The following SLC35H1 variants were observed in gnomAD, a reference collection of about 807,000 sequenced individuals.
The protein encoded by SLC35H1 is solute carrier family 35 member H1, also known as ovarian cancer-overexpressed gene 1 protein.
chr20:46,354,826 C>A, the SLC35H1 span: 2 of 1,455,038 alleles, frequency 1.4e-6, no homozygotes, highest in Non-Finnish European at 1.9e-6. Flanking sequence ...GGGCTCAGGG[C>A]GAGGATCTGT....
the SLC35H1 span, chr20:46,353,104 G>C: frequency 6.6e-6 from 1 of 152,184 alleles, no homozygotes. Flanking sequence ...CCCTACAAAC[G>C]TTCATTTTAA....
the SLC35H1 span, chr20:46,346,032 T>C: frequency 1.3e-5 from 2 of 152,208 alleles, no homozygotes; most frequent in Admixed American, 6.5e-5. Flanking sequence ...CCAGCAGCGA[T>C]CACCGGCCAG....
At chr20:46,353,656 T>C in the SLC35H1 span, among the ~76,000 whole-genome samples, 2 of 152,284 alleles carry the variant, frequency 1.3e-5, no homozygotes, top group East Asian at 3.9e-4. Flanking sequence ...GCAGCATAAG[T>C]AATGAAGGCG....
At chr20:46,358,066 G>A in the SLC35H1 span, among the ~76,000 whole-genome samples, 1 of 152,220 alleles carries the variant, frequency 6.6e-6, no homozygotes, top group Non-Finnish European at 1.5e-5. Context: ...GCCCAAGTGA[G>A]AGCCACTGCG....
the SLC35H1 span, chr20:46,353,020 T>C: frequency 6.6e-6 from 1 of 152,236 alleles, no homozygotes; most frequent in Non-Finnish European, 1.5e-5. Flanking sequence ...GGACCAACAG[T>C]GCCCCAGCCC....
chr20:46,356,264 C>T, the SLC35H1 span, among the ~76,000 whole-genome samples: 1 of 152,222 alleles, frequency 6.6e-6, no homozygotes, highest in Admixed American at 6.5e-5. Context: ...GCGTGTACCA[C>T]CCACCAGTGG....
At chr20:46,358,829 C>G in the SLC35H1 span, 2 of 1,037,184 alleles carry the variant, frequency 1.9e-6, no homozygotes, top group Admixed American at 4.0e-5. Flanking sequence ...GCCATGGGTG[C>G]CTCTGAAGGC....
chr20:46,351,177 C>T, the SLC35H1 span, among the ~76,000 whole-genome samples: 1 of 152,226 alleles, frequency 6.6e-6, no homozygotes. Flanking sequence ...GTCCAGATCG[C>T]GCCTTATCCA....
At chr20:46,362,389 T>C in the SLC35H1 span, among the ~76,000 whole-genome samples, 5 of 152,186 alleles carry the variant, frequency 3.3e-5, no homozygotes, top group African/African-American at 1.2e-4. Context: ...GGCTGGCTGG[T>C]GCATCACTGG....
chr20:46,357,607 G>A, the SLC35H1 span: 3 of 1,609,538 alleles, frequency 1.9e-6, no homozygotes, highest in Admixed American at 1.7e-5. Flanking sequence ...TGCCCTCACT[G>A]AGGTCCCCCA....
the SLC35H1 span, chr20:46,357,920 G>T: frequency 1.2e-6 from 1 of 813,940 alleles, no homozygotes; most frequent in East Asian, 2.7e-5. Flanking sequence ...CCTTAGTTAC[G>T]GTATCATCGC....
At chr20:46,350,567 T>A in the SLC35H1 span, 41 of 1,547,836 alleles carry the variant, frequency 2.6e-5, no homozygotes, top group Admixed American at 4.1e-4. Flanking sequence ...CAGTCGTGGT[T>A]TTCTTGGTTT....
At chr20:46,354,622 T>C in the SLC35H1 span, among the ~76,000 whole-genome samples, 4 of 152,338 alleles carry the variant, frequency 2.6e-5, no homozygotes, top group Middle Eastern at 0.01. Flanking sequence ...AAGGATGAAA[T>C]GAGTTCCTAT....
chr20:46,355,751 T>A, the SLC35H1 span: 1 of 1,612,654 alleles, frequency 6.2e-7, no homozygotes, highest in Non-Finnish European at 8.5e-7. This position sits in a 1 kb window ranked among gnomAD's most constrained non-coding sequence, Gnocchi z 4.8. Flanking sequence ...TCCCACTTTA[T>A]TCTTAGCATC....
At chr20:46,358,444 C>A in the SLC35H1 span, 7 of 1,614,226 alleles carry the variant, frequency 4.3e-6, no homozygotes, top group African/African-American at 4.0e-5. Flanking sequence ...AGTAGAGAAG[C>A]ACCAGCCCCA....
chr20:46,346,294 G>A, the SLC35H1 span: 1 of 152,270 alleles, frequency 6.6e-6, no homozygotes, highest in Non-Finnish European at 1.5e-5. Context: ...TACAAAGCAG[G>A]GGTGAAGGGA....
At chr20:46,355,897 T>C in the SLC35H1 span, 2 of 1,613,904 alleles carry the variant, frequency 1.2e-6, no homozygotes, top group Non-Finnish European at 1.7e-6. This position sits in a 1 kb window ranked among gnomAD's most constrained non-coding sequence, Gnocchi z 4.8. Flanking sequence ...TTACCCACAA[T>C]GCACTGCTGG....
the SLC35H1 span, chr20:46,350,926 A>C: frequency 6.2e-7 from 1 of 1,611,630 alleles, no homozygotes; most frequent in Admixed American, 1.7e-5. Context: ...CATGATCAAC[A>C]GGCAGATTTG....
chr20:46,358,430 C>T, the SLC35H1 span: 2 of 1,614,182 alleles, frequency 1.2e-6, no homozygotes, highest in South Asian at 2.2e-5. Flanking sequence ...GATGGAGAAG[C>T]AGTAGTAGAG....
Sources: allele counts gnomAD v4.1 joint callset (sites outside exome capture counted in the v4.1 genomes callset), GRCh38; gene constraint gnomAD v4.1.1; non-coding constraint Gnocchi (gnomAD v3.1); transcripts MANE v1.5; gene names NCBI Gene and HGNC (gene_info 2026-07-23, HGNC 2026-07-21).